The following ATP8B3 variants were observed in gnomAD, a reference collection of about 807,000 sequenced individuals.
ATP8B3 encodes the protein ATPase phospholipid transporting 8B3, also known as phospholipid-transporting ATPase IK.
A neutral mutation model predicts 140.9 loss-of-function variants in ATP8B3; 141 were observed. The ratio of observed to expected loss-of-function variants is 1.00; its 90% confidence interval spans 0.87 to 1.15. The LOEUF (loss-of-function observed/expected upper bound fraction) is 1.15. Among genes scored for constraint, ATP8B3 ranks in the 50% most tolerant of loss-of-function variants. The pLI is 0.00. For missense variants in ATP8B3, 1,874 were observed against 1,740.6 expected, an observed-to-expected ratio of 1.08 and a Z score of -1.36; for synonymous variants, 765 against 714.6, an observed-to-expected ratio of 1.07 and a Z score of -1.13.
intron 10 of ATP8B3, among the ~76,000 whole-genome samples, chr19:1,803,346 T>A (rs2068911760): frequency 6.6e-6 from 1 of 152,296 alleles, no homozygotes; most frequent in African/African-American, 2.4e-5. Context: ...ATGGGGACCC[T>A]GACTCCATCC....
At chr19:1,792,209 G>C in intron 18 of ATP8B3, 74 bp from the exon 19 acceptor site, 2 of 1,452,378 alleles carry the variant, frequency 1.4e-6, no homozygotes, top group Non-Finnish European at 1.8e-6. Context: ...CCAACCCCCT[G>C]CCGGGCTCCG....
At chr19:1,795,763 G>C in intron 18 of ATP8B3, 112 bp downstream of exon 18, 3 of 1,030,658 alleles carry the variant, frequency 2.9e-6, no homozygotes, top group Non-Finnish European at 4.2e-6. Flanking sequence ...CTCCTCCCCT[G>C]CCTCCTCCTC....
Position 1,808,214 on chromosome 19 carries a change from C to A in ATP8B3, c.516+8G>T, listed in dbSNP as rs376967635. 2 of 1,599,488 alleles carry A rather than the reference C, an allele frequency of 1.3e-6. No individual in the cohort carries two copies. Among genetic ancestry groups the A allele is most frequent in the African/African-American group, 1.3e-5 (1 of 74,740 alleles). ...GGGGGACTTCCTGGAGGAGGCAACA[C>A]GCCTCACCTGCAGGATGATGATGAT... On this transcript the variant is annotated splice_region_variant and intron_variant, in intron 5 of 28. Transcript: ENST00000310127.
chr19:1,809,405 C>G (rs2069121686), intron 4 of ATP8B3, among the ~76,000 whole-genome samples: 1 of 151,396 alleles, frequency 6.6e-6, no homozygotes, highest in Non-Finnish European at 1.5e-5. Context: ...TGCTTGAACC[C>G]CGGAGGTGGA....
chr19:1,785,391 C>A, intron 26 of ATP8B3, 78 bp downstream of exon 26: 1 of 1,564,602 alleles, frequency 6.4e-7, no homozygotes, highest in South Asian at 1.2e-5. Context: ...TGGCAATGCC[C>A]CCAAAGCAGG....
In ATP8B3 at chr19:1,787,601, C is replaced by T. The variant is rs899615389; in HGVS notation, c.3070-415G>A. Among the ~76,000 whole-genome samples, 5 of 151,882 alleles carry T rather than the reference C, an allele frequency of 3.3e-5. No homozygotes were observed. The South Asian group carries it at 8.3e-4, about 25-fold the overall frequency. On this transcript the variant is annotated intron_variant, in intron 24 of 28. Coordinates refer to ENST00000310127, the MANE Select transcript of ATP8B3 (RefSeq NM_138813.4). The stretch of plus-strand genomic sequence containing the variant: ...AAAAGTAGCTGGGCGTGGTAGCAGG[C>T]GCCTGTAATCCCAGCTACTTGGGAG...
rs1433280400 is a variant in ATP8B3 at position 1,811,775 on chromosome 19, G to A, written c.-39C>T. The A allele has an allele frequency of 1.2e-5, 18 of 1,537,964 alleles. No homozygotes were observed. Among genetic ancestry groups the A allele is most frequent in the Non-Finnish European group, 1.6e-5 (18 of 1,147,370 alleles). ...AAAAGGGAGGTTCAGGGCGAAGAGG[G>A]GTTTAGGCTGTGGGACGGGGGAGAG... is the stretch of plus-strand genomic sequence containing the variant. On this transcript the variant is annotated 5_prime_UTR_variant, in exon 2 of 29. Coordinates refer to ENST00000310127, the MANE Select transcript of ATP8B3 (RefSeq NM_138813.4).
chr19:1,783,100 G>A lies in ATP8B3; in HGVS notation c.3831C>T (p.Ser1277=). 2 of 1,613,496 alleles carry A rather than the reference G, an allele frequency of 1.2e-6. No homozygotes were observed. Among genetic ancestry groups the A allele is most frequent in the East Asian group, 2.2e-5 (1 of 44,866 alleles). The change falls in exon 29 of 29, where the codon AGC becomes AGT. Residue 1277 remains serine (S), a synonymous_variant. Transcript: ENST00000310127. Reference sequence around the variant, plus strand: ...CTAGGGATTCAGATGCTATGTCACTGCTGACCCCTGGTCCCCTCCGCAGAA... The same window carrying A: ...CTAGGGATTCAGATGCTATGTCACTACTGACCCCTGGTCCCCTCCGCAGAA... ...GTILRRGPGV[S]SDIASESLDP... is the part of the protein sequence containing the mutation.
At position 1,789,742 on chromosome 19, in the gene ATP8B3, G is replaced by T. The variant is rs764712508; in HGVS notation, c.2479-15C>A. 3 of 1,547,402 alleles carry T rather than the reference G, an allele frequency of 1.9e-6. No homozygotes were observed. The Admixed American group carries it at 5.5e-5, about 29-fold the overall frequency. On this transcript the variant is annotated splice_polypyrimidine_tract_variant and intron_variant, in intron 22 of 28. Transcript: ENST00000310127. ...AGCAGTTTGTCCTGGCCGGCGGGGA[G>T]GGGGCTGTGCCAGGCGCCGTGGCCT...
chr19:1,804,056 A>C (rs2068936565), intron 10 of ATP8B3, among the ~76,000 whole-genome samples: 1 of 152,156 alleles, frequency 6.6e-6, no homozygotes, highest in Admixed American at 6.5e-5. Context: ...AGCAAGGAAA[A>C]GATTCTGTCC....
Position 1,811,523 on chromosome 19 carries a change from C to T in ATP8B3, c.214G>A (p.Gly72Ser), listed in dbSNP as rs2145214307. The change falls in exon 2 of 29, where the codon GGC becomes AGC. Residue 72 changes from glycine to serine, a missense_variant. Gly to Ser is a moderately conservative substitution (Grantham distance 56, BLOSUM62 0). Coordinates refer to ENST00000310127, the MANE Select transcript of ATP8B3 (RefSeq NM_138813.4). The stretch of plus-strand genomic sequence containing the variant: ...CTCCATTCATACTTCCTAGCCCGGC[C>T]AGGCTGGGCCTTGTGCCTCCTCTCA... ...APERRHKAQPGRARKYEWRPE... is the reference protein window; with the variant it reads ...APERRHKAQPSRARKYEWRPE... 1.9e-6 allele frequency: 3 copies of T among 1,612,308 alleles called. No homozygotes were observed. Among genetic ancestry groups the T allele is most frequent in the Non-Finnish European group, 2.5e-6 (3 of 1,179,780 alleles).
chr19:1,787,632 G>A lies in ATP8B3; in HGVS notation c.3070-446C>T, dbSNP rs188180387. 6.3e-3 allele frequency among the ~76,000 whole-genome samples: 943 copies of A among 150,548 alleles called. 16 individuals are homozygous for A. Among genetic ancestry groups the A allele is most frequent in the African/African-American group, 0.022 (889 of 41,014 alleles). ...TAATCCCAGCTACTTGGGAGGCTGA[G>A]ACAGGAGAATCGCTTGAACCCAGGA... On this transcript the variant is annotated intron_variant, in intron 24 of 28. Transcript: ENST00000310127.
intron 2 of ATP8B3, 55 bp from the exon 3 acceptor site, chr19:1,810,738 C>G: frequency 6.4e-7 from 1 of 1,550,548 alleles, no homozygotes; most frequent in Non-Finnish European, 8.8e-7. Flanking sequence ...TTGCTGGGCA[C>G]CACTCGGTCT....
Position 1,782,288 on chromosome 19 carries a change from C to A in ATP8B3, c.*740G>T. Reference sequence around the variant, plus strand: ...TCAGATGGGTCTAGGGATTCAGATGCTACGTCACTGCTGAACCCTGGTCCC... The same window carrying A: ...TCAGATGGGTCTAGGGATTCAGATGATACGTCACTGCTGAACCCTGGTCCC... On this transcript the variant is annotated 3_prime_UTR_variant, in exon 29 of 29. Transcript: ENST00000310127. 1 of 351,194 alleles carries A rather than the reference C, an allele frequency of 2.8e-6. No individual in the cohort carries two copies. The highest frequency in any genetic ancestry group is 5.2e-6 in the Non-Finnish European group (1 of 191,314). The allele number at this position is 351,194 out of a possible 1,614,324, so 21.8% of individuals were successfully genotyped here.
At chr19:1,802,466 A>G (rs1365079604) in intron 11 of ATP8B3, 21 bp downstream of exon 11, 5 of 1,262,174 alleles carry the variant, frequency 4.0e-6, no homozygotes, top group East Asian at 5.5e-5. Flanking sequence ...CTCCCACTCC[A>G]GGACCCTGGA....
In ATP8B3 at chr19:1,785,173, GTCGTGGGGGA is replaced by G; in HGVS notation, c.3508_3517del (p.Ser1170ProfsTer11). 1.9e-6 allele frequency: 3 copies of G among 1,587,076 alleles called. No homozygotes were observed. The highest frequency in any genetic ancestry group is 2.6e-6 in the Non-Finnish European group (3 of 1,167,376). On this transcript the variant is annotated frameshift_variant, in exon 27 of 29. Coordinates refer to ENST00000310127, the MANE Select transcript of ATP8B3 (RefSeq NM_138813.4). LOFTEE classifies it high-confidence loss of function. ...TGGGGGCTCACACAGAAACGGGAAG[GTCGTGGGGGA>G]TACTCTGAAGAGCCAGAAGCTCTGG...
At chr19:1,802,296 T>A (rs1343620743) in intron 11 of ATP8B3, among the ~76,000 whole-genome samples, 191 bp downstream of exon 11, 1 of 12,600 alleles carries the variant, frequency 7.9e-5, no homozygotes. Flanking sequence ...CATCCCCACA[T>A]CCAGGCACCC....
At position 1,792,128 on chromosome 19, in the gene ATP8B3, G is replaced by A; in HGVS notation, c.2063C>T (p.Ala688Val). 6.3e-7 allele frequency: 1 copy of A among 1,576,478 alleles called. No homozygotes were observed. Among genetic ancestry groups the A allele is most frequent in the African/African-American group, 1.3e-5 (1 of 74,458 alleles). The change falls in exon 19 of 29, where the codon GCC becomes GTC. Residue 688 changes from alanine (A) to valine (V), a missense_variant. By Grantham distance (64) the Ala-to-Val change is moderately conservative. Around this residue, in one of 3 missense-constraint regions of ATP8B3, gnomAD observed 1,032 missense variants for 963.6 expected, o/e 1.07. Coordinates refer to ENST00000310127, the MANE Select transcript of ATP8B3 (RefSeq NM_138813.4). ...FATEEALAAF[A>V]QETLRTLCLA... is the part of the protein sequence containing the mutation. ...GCACAGTGTCCGCAGGGTCTCCTGG[G>A]CAAAGGCCTGGGGGCCGGGCAGGTG...
intron 4 of ATP8B3, 33 bp from the exon 5 acceptor site, chr19:1,808,368 G>C (rs1568662137): frequency 1.3e-6 from 2 of 1,555,352 alleles, no homozygotes; most frequent in Non-Finnish European, 1.8e-6. Flanking sequence ...CCTGGCAGAG[G>C]GGTGCCATCC....
Sources: gnomAD v4.1 joint callset for allele counts (sites outside exome capture counted in the v4.1 genomes callset) on GRCh38, gnomAD v4.1.1 for gene constraint, gnomAD v4.1.1 regional missense constraint, MANE v1.5 for transcripts, NCBI Gene and HGNC (gene_info 2026-07-23, HGNC 2026-07-21) for gene names.